The following MTPN variants were observed in gnomAD, a reference collection of about 807,000 sequenced individuals.
MTPN encodes the protein myotrophin.
In MTPN, 2 loss-of-function variants were observed where a neutral mutation model predicts 13.5. The observed-to-expected ratio is 0.15, with a 90% confidence interval of 0.06 to 0.47. The LOEUF (loss-of-function observed/expected upper bound fraction) is 0.47. Ranked by LOEUF, MTPN falls within the 20% of genes least tolerant of loss-of-function variation. The pLI is 0.97. For missense variants in MTPN, 79 were observed against 137.9 expected, an observed-to-expected ratio of 0.57 and a Z score of 2.14; for synonymous variants, 46 against 51.7, an observed-to-expected ratio of 0.89 and a Z score of 0.48.
chr7:135,945,184 T>C (rs1427940575), intron 3 of MTPN, among the ~76,000 whole-genome samples: 1 of 152,186 alleles, frequency 6.6e-6, no homozygotes. Context: ...TGGAGGTTGT[T>C]CTGAGTGAGA....
intron 1 of MTPN, among the ~76,000 whole-genome samples, chr7:135,961,189 G>A (rs1799516811): frequency 6.6e-6 from 1 of 152,002 alleles, no homozygotes; most frequent in Admixed American, 6.6e-5. Flanking sequence ...TTGGCATTAG[G>A]AGTATAAAGT....
intron 1 of MTPN, among the ~76,000 whole-genome samples, chr7:135,966,070 A>T (rs1472422312): frequency 6.6e-6 from 1 of 152,148 alleles, no homozygotes; most frequent in Non-Finnish European, 1.5e-5. Flanking sequence ...AAACCAAATC[A>T]GACTGATTAA....
chr7:135,948,875 T>C (rs370981243), intron 3 of MTPN, among the ~76,000 whole-genome samples: 2 of 152,018 alleles, frequency 1.3e-5, no homozygotes, highest in Admixed American at 1.3e-4. Context: ...AATGATCCCA[T>C]GGAGGTTTTT....
rs1025157116 is a variant in MTPN, at chr7:135,929,761, AT to A, written c.*164del. 697 of 621,256 alleles carry A rather than the reference AT, an allele frequency of 1.1e-3. No homozygotes were observed. Among genetic ancestry groups the A allele is most frequent in the Non-Finnish European group, 1.3e-3 (463 of 357,686 alleles). 38.5% of individuals were successfully genotyped at this position (621,256 alleles called of 1,614,324 possible). On this transcript the variant is annotated 3_prime_UTR_variant, in exon 4 of 4. Coordinates refer to ENST00000393085, the MANE Select transcript of MTPN (RefSeq NM_145808.4). ...TTCCTTTTGCCCCTCCTCCAAAACAATTTTTTTTTTCTGGTAGTCGGATTTG... is the reference window on the plus strand; with the variant it reads ...TTCCTTTTGCCCCTCCTCCAAAACAATTTTTTTTTCTGGTAGTCGGATTTG...
chr7:135,953,629 T>C (rs1362354794), intron 1 of MTPN, among the ~76,000 whole-genome samples: 2 of 152,192 alleles, frequency 1.3e-5, no homozygotes, highest in Non-Finnish European at 1.5e-5. Context: ...AATTTACTTA[T>C]TTTTAAGCAT....
chr7:135,929,849 G>T lies in MTPN; in HGVS notation c.*77C>A. 1 of 1,363,932 alleles carries T rather than the reference G, an allele frequency of 7.3e-7. No homozygotes were observed. Among genetic ancestry groups the T allele is most frequent in the Non-Finnish European group, 1.0e-6 (1 of 952,552 alleles). The allele number at this position is 1,363,932 out of a possible 1,614,324, so 84.5% of individuals were successfully genotyped here. On this transcript the variant is annotated 3_prime_UTR_variant, in exon 4 of 4. Coordinates refer to ENST00000393085, the MANE Select transcript of MTPN (RefSeq NM_145808.4). ...ATTTAGCTGAAGAAGCTGGCAGATA[G>T]AGAGTGACAGACAGACAGGCAGCAG...
At chr7:135,934,943 T>C (rs549579899) in intron 3 of MTPN, among the ~76,000 whole-genome samples, 2 of 152,322 alleles carry the variant, frequency 1.3e-5, no homozygotes, top group South Asian at 4.1e-4. Context: ...CAACCTTTAT[T>C]GTCCTCATTC....
At chr7:135,957,379 T>C (rs1271000269) in intron 1 of MTPN, among the ~76,000 whole-genome samples, 1 of 152,134 alleles carries the variant, frequency 6.6e-6, no homozygotes, top group Non-Finnish European at 1.5e-5. Flanking sequence ...AGAAAGTCTA[T>C]GTGAAATTCT....
chr7:135,934,392 T>C (rs1799081121), intron 3 of MTPN, among the ~76,000 whole-genome samples: 1 of 152,202 alleles, frequency 6.6e-6, no homozygotes, highest in African/African-American at 2.4e-5. Context: ...CAGCTGCTTC[T>C]AGCCTTCTAG....
chr7:135,972,190 G>T (rs1799702839), intron 1 of MTPN, among the ~76,000 whole-genome samples: 1 of 150,468 alleles, frequency 6.6e-6, no homozygotes, highest in Non-Finnish European at 1.5e-5. Context: ...AAAGCAAACT[G>T]ATATGGTTAT....
chr7:135,943,122 G>T (rs1799239630), intron 3 of MTPN, among the ~76,000 whole-genome samples: 1 of 152,106 alleles, frequency 6.6e-6, no homozygotes, highest in South Asian at 2.1e-4. Context: ...AAACTTTTTT[G>T]AAACCCAACT....
intron 1 of MTPN, among the ~76,000 whole-genome samples, chr7:135,976,161 C>A (rs1448338452): frequency 1.3e-5 from 2 of 152,176 alleles, no homozygotes; most frequent in Non-Finnish European, 2.9e-5. Context: ...GAAAGACAGG[C>A]TAGCTTGGAA....
At position 135,927,429 on chromosome 7, in the gene MTPN, C is replaced by T. The variant is rs1219256838; in HGVS notation, c.*2497G>A. 1 of 1,537,946 alleles carries T rather than the reference C, an allele frequency of 6.5e-7. No homozygotes were observed. Among genetic ancestry groups the T allele is most frequent in the Non-Finnish European group, 8.8e-7 (1 of 1,142,470 alleles). On this transcript the variant is annotated 3_prime_UTR_variant, in exon 4 of 4. Coordinates refer to ENST00000393085, the MANE Select transcript of MTPN (RefSeq NM_145808.4). ...CTACCTGTTTGTACTTGATATAGTG[C>T]ATATGAAATGACTGATTTAATACAA...
At chr7:135,944,274 A>G (rs1434537015) in intron 3 of MTPN, among the ~76,000 whole-genome samples, 1 of 152,142 alleles carries the variant, frequency 6.6e-6, no homozygotes, top group East Asian at 1.9e-4. Flanking sequence ...GAACTTCTTA[A>G]AGTTCTTTAT....
chr7:135,930,900 ACCCACTC>A (rs914978653), intron 3 of MTPN, among the ~76,000 whole-genome samples: 2 of 151,884 alleles, frequency 1.3e-5, no homozygotes, highest in African/African-American at 4.8e-5. Context: ...TAGAGTCCTG[ACCCACTC>A]CCCTTGCCAA....
At position 135,958,651 on chromosome 7, in the gene MTPN, CA is replaced by C. The variant is rs532978780; in HGVS notation, c.73-7022del. Among the ~76,000 whole-genome samples, 13 of 152,278 alleles carry C rather than the reference CA, an allele frequency of 8.5e-5. No homozygotes were observed. In the South Asian group the frequency reaches 2.7e-3, roughly 32 times the overall value. ...TTCTATCTCTTGCAGACACATGGCA[CA>C]AGCAATTCTTATTTTTACATTAGGT... On this transcript the variant is annotated intron_variant, in intron 1 of 3. Transcript: ENST00000393085.
intron 1 of MTPN, among the ~76,000 whole-genome samples, chr7:135,960,089 T>C (rs1180013494): frequency 6.6e-6 from 1 of 152,092 alleles, no homozygotes; most frequent in African/African-American, 2.4e-5. Context: ...GCATCTGAGA[T>C]AGTGATGAAA....
At chr7:135,953,727 A>G (rs577368095) in intron 1 of MTPN, among the ~76,000 whole-genome samples, 1 of 152,344 alleles carries the variant, frequency 6.6e-6, no homozygotes, top group East Asian at 1.9e-4. Flanking sequence ...GAGTGTTTCC[A>G]AATTCCAGCC....
At chr7:135,947,439 C>A (rs1367366720) in intron 3 of MTPN, among the ~76,000 whole-genome samples, 2 of 152,066 alleles carry the variant, frequency 1.3e-5, no homozygotes, top group Non-Finnish European at 2.9e-5. Flanking sequence ...AGATACTGAT[C>A]AACTCACTTT....
Sources: allele counts gnomAD v4.1 joint callset (sites outside exome capture counted in the v4.1 genomes callset), GRCh38; gene constraint gnomAD v4.1.1; transcripts MANE v1.5; gene names NCBI Gene and HGNC (gene_info 2026-07-23, HGNC 2026-07-21).